The following LAMB4 variants were observed in gnomAD, a reference collection of about 807,000 sequenced individuals.
The protein encoded by LAMB4 is laminin subunit beta 4.
A neutral mutation model predicts 199.2 loss-of-function variants in LAMB4; 196 were observed. That is an observed-to-expected ratio of 0.98 (90% CI 0.88 to 1.11). The LOEUF (loss-of-function observed/expected upper bound fraction) is 1.11. Ranked by LOEUF, LAMB4 falls within the 50% of genes least tolerant of loss-of-function variation. The pLI is 0.00. For synonymous variants in LAMB4, 744 were observed against 770.6 expected, an observed-to-expected ratio of 0.97 and a Z score of 0.57; for missense variants, 2,080 against 2,171.2, an observed-to-expected ratio of 0.96 and a Z score of 0.83.
At chr7:108,028,476 T>C (rs1584580727) in intron 33 of LAMB4, among the ~76,000 whole-genome samples, 1 of 144,526 alleles carries the variant, frequency 6.9e-6, no homozygotes, top group East Asian at 2.0e-4. Flanking sequence ...AAGGGCATTT[T>C]TTTTTTTTTT....
At position 108,063,784 on chromosome 7, in the gene LAMB4, G is replaced by T; in HGVS notation, c.3038C>A (p.Ser1013Ter). 1 of 1,614,138 alleles carries T rather than the reference G, an allele frequency of 6.2e-7. No homozygotes were observed. Among genetic ancestry groups the T allele is most frequent in the Non-Finnish European group, 8.5e-7 (1 of 1,179,976 alleles). The stretch of plus-strand genomic sequence containing the variant: ...ACTTCTGCAGGTCTGATTGAGGGCT[G>T]ATCCATAGTGACCTGGTTTGCAGAG... The part of the protein sequence containing the change: ...CQLCKPGHYG[S>*]ALNQTCRRCS... Residue 1013 changes from serine to a stop codon, truncating the protein, a stop_gained, in exon 22 of 34, where the codon TCA becomes TAA. Transcript: ENST00000388781. LOFTEE classifies it high-confidence loss of function.
rs762902370 is a variant in LAMB4, at chr7:108,091,628, A to C, written c.1699T>G (p.Leu567Val). 6.2e-7 allele frequency: 1 copy of C among 1,612,440 alleles called. No individual in the cohort carries two copies. Among genetic ancestry groups the C allele is most frequent in the Non-Finnish European group, 8.5e-7 (1 of 1,179,462 alleles). The change falls in exon 14 of 34, where the codon TTG becomes GTG. Residue 567 changes from leucine (L) to valine (V), a missense_variant and splice_region_variant. Leu to Val is a conservative substitution (Grantham distance 32). Coordinates refer to ENST00000388781, the MANE Select transcript of LAMB4 (RefSeq NM_007356.3). Reference sequence around the variant, plus strand: ...GGGAAAGTAAATGAAATACGAACCAAAGGCGCCAGTCCTTGGAGTGTTGTG... The same window carrying C: ...GGGAAAGTAAATGAAATACGAACCACAGGCGCCAGTCCTTGGAGTGTTGTG... ...EATTLQGLAPLGSETFGQSPA... is the reference protein window; with the variant it reads ...EATTLQGLAPVGSETFGQSPA...
chr7:108,029,141 G>T lies in LAMB4; in HGVS notation c.5048C>A (p.Thr1683Lys). 1 of 1,613,764 alleles carries T rather than the reference G, an allele frequency of 6.2e-7. No homozygotes were observed. Among genetic ancestry groups the T allele is most frequent in the East Asian group, 2.2e-5 (1 of 44,848 alleles). Residue 1683 changes from threonine to lysine, a missense_variant, in exon 33 of 34, where the codon ACA becomes AAA. Physicochemically the swap from Thr to Lys is moderately conservative, Grantham distance 78. Coordinates refer to ENST00000388781, the MANE Select transcript of LAMB4 (RefSeq NM_007356.3). Reference sequence around the variant, plus strand: ...TCCTAATGTCTCCTTTGTTAGTCCTGTAGTGCTTGTCTTACGTTGGAGAAT... The same window carrying T: ...TCCTAATGTCTCCTTTGTTAGTCCTTTAGTGCTTGTCTTACGTTGGAGAAT... ...YAILQRKTST[T>K]GLTKETLGKV...
At chr7:108,073,617 A>C (rs2036604698) in intron 17 of LAMB4, among the ~76,000 whole-genome samples, 1 of 152,224 alleles carries the variant, frequency 6.6e-6, no homozygotes, top group Non-Finnish European at 1.5e-5. Flanking sequence ...ATCAGATGCA[A>C]ATGTTAATCT....
intron 3 of LAMB4, among the ~76,000 whole-genome samples, chr7:108,113,219 A>G (rs1303545382): frequency 1.3e-5 from 2 of 152,094 alleles, no homozygotes; most frequent in Admixed American, 1.3e-4. Context: ...CCTTATCACT[A>G]CTTGAGGCTA....
At chr7:108,117,278 C>A (rs973580926) in intron 2 of LAMB4, among the ~76,000 whole-genome samples, 2 of 152,166 alleles carry the variant, frequency 1.3e-5, no homozygotes, top group Admixed American at 6.5e-5. Flanking sequence ...GGAAACTCTA[C>A]ATGCAAATGA....
chr7:108,060,992 C>T (rs779672047), intron 23 of LAMB4, among the ~76,000 whole-genome samples: 3 of 152,324 alleles, frequency 2.0e-5, no homozygotes, highest in Non-Finnish European at 4.4e-5. Flanking sequence ...GTGACCAAGA[C>T]TGACATTAAC....
chr7:108,072,950 T>G (rs1394228724), intron 17 of LAMB4, among the ~76,000 whole-genome samples: 5 of 152,194 alleles, frequency 3.3e-5, no homozygotes, highest in African/African-American at 4.8e-5. Context: ...GAGCCATTGA[T>G]AGTTGGCCAT....
chr7:108,055,642 C>A lies in LAMB4; in HGVS notation c.3745G>T (p.Asp1249Tyr). The change falls in exon 25 of 34, where the codon GAC becomes TAC. Residue 1249 changes from aspartate (D) to tyrosine (Y), a missense_variant. Asp to Tyr is a radical substitution (Grantham distance 160). Coordinates refer to ENST00000388781, the MANE Select transcript of LAMB4 (RefSeq NM_007356.3). ...GAGCATAAATCTTACCTAACAGAGTCATGATAATCCTTGACTTTTAAGAAT... is the reference window on the plus strand; with the variant it reads ...GAGCATAAATCTTACCTAACAGAGTAATGATAATCCTTGACTTTTAAGAAT... ...GKFLKVKDYH[D>Y]SVRRQIMQLN... is the part of the protein sequence containing the mutation. 1 of 1,612,654 alleles carries A rather than the reference C, an allele frequency of 6.2e-7. No homozygotes were observed. The highest frequency in any genetic ancestry group is 1.1e-5 in the South Asian group (1 of 90,674).
the LAMB4 span, among the ~76,000 whole-genome samples, chr7:108,013,017 C>A: frequency 3.9e-5 from 6 of 152,194 alleles, no homozygotes; most frequent in East Asian, 1.2e-3. Context: ...CTAGATTATT[C>A]TAGAACAGAT....
At chr7:108,026,271 G>A (rs1451879734) in intron 33 of LAMB4, among the ~76,000 whole-genome samples, 2 of 152,030 alleles carry the variant, frequency 1.3e-5, no homozygotes, top group East Asian at 1.9e-4. Context: ...CTACCCCCAC[G>A]CCCCCGAATC....
At chr7:108,028,075 C>T (rs1404973864) in intron 33 of LAMB4, among the ~76,000 whole-genome samples, 7 of 152,058 alleles carry the variant, frequency 4.6e-5, no homozygotes, top group African/African-American at 1.7e-4. Context: ...TGAGCCACCG[C>T]GCCTGGCCGG....
At chr7:108,115,248 A>G (rs1268417920) in intron 3 of LAMB4, among the ~76,000 whole-genome samples, 1 of 152,230 alleles carries the variant, frequency 6.6e-6, no homozygotes, top group Non-Finnish European at 1.5e-5. Flanking sequence ...AATCTTCCTT[A>G]TTTTTGATCA....
intron 10 of LAMB4, among the ~76,000 whole-genome samples, chr7:108,101,705 G>T (rs2037820341): frequency 6.6e-6 from 1 of 152,126 alleles, no homozygotes; most frequent in Non-Finnish European, 1.5e-5. Flanking sequence ...AAGCAAGGTG[G>T]CTGGGGTGCA....
At chr7:108,052,398 G>A (rs777885070) in intron 25 of LAMB4, 141 bp from the exon 26 acceptor site, 33 of 584,312 alleles carry the variant, frequency 5.6e-5, no homozygotes, top group Non-Finnish European at 9.0e-5. Flanking sequence ...TTCATTTGAC[G>A]GTTTATAATT....
chr7:108,101,647 G>T (rs1178859114), intron 10 of LAMB4, among the ~76,000 whole-genome samples: 1 of 152,196 alleles, frequency 6.6e-6, no homozygotes, highest in East Asian at 1.9e-4. Flanking sequence ...TCAGGATGGA[G>T]TATTTCTGTA....
intron 1 of LAMB4, among the ~76,000 whole-genome samples, chr7:108,124,499 A>C (rs776132250): frequency 1.3e-5 from 2 of 152,174 alleles, no homozygotes; most frequent in Non-Finnish European, 2.9e-5. Context: ...CATATATACA[A>C]ATATACATAT....
chr7:108,079,453 G>A (rs2036841408), intron 15 of LAMB4, 148 bp downstream of exon 15: 1 of 630,970 alleles, frequency 1.6e-6, no homozygotes, highest in Admixed American at 3.7e-5. Context: ...ATATCTTTAG[G>A]AAACCCTTGG....
At chr7:108,127,874 A>G (rs974398120) in intron 1 of LAMB4, among the ~76,000 whole-genome samples, 13 of 152,198 alleles carry the variant, frequency 8.5e-5, no homozygotes, top group African/African-American at 3.1e-4. Context: ...TTTGGCTGTC[A>G]TAATGAGAGG....
Sources: allele counts gnomAD v4.1 joint callset (sites outside exome capture counted in the v4.1 genomes callset), GRCh38; gene constraint gnomAD v4.1.1; transcripts MANE v1.5; gene names NCBI Gene and HGNC (gene_info 2026-07-23, HGNC 2026-07-21).